CDK6: variants seen among roughly 807,000 people sequenced by gnomAD.
CDK6 encodes cyclin dependent kinase 6.
Under a neutral mutation model 37.1 loss-of-function variants are expected in CDK6, and 6 were observed. The ratio of observed to expected loss-of-function variants is 0.16; its 90% CI spans 0.09 to 0.32. The LOEUF (loss-of-function observed/expected upper bound fraction) is 0.32. CDK6 is among the 10% of genes least tolerant of loss of function. CDK6 has a pLI of 1.00. For synonymous variants in CDK6, 160 were observed against 161.3 expected (o/e 0.99, Z 0.06); for missense variants, 224 against 418.9 (o/e 0.53, Z 4.06).
intron 5 of CDK6, among the ~76,000 whole-genome samples, chr7:92,650,587 T>C (rs1218662049): frequency 6.6e-6 from 1 of 152,160 alleles, no homozygotes. Flanking sequence ...TGGTTCTCTG[T>C]TAGAGTTGTA....
intron 5 of CDK6, among the ~76,000 whole-genome samples, chr7:92,643,327 T>C (rs1207191287): frequency 6.6e-6 from 1 of 152,210 alleles, no homozygotes; most frequent in Admixed American, 6.5e-5. Flanking sequence ...CATGAAGAAC[T>C]TGGAACAGGT....
chr7:92,777,059 C>T (rs1016931429), intron 2 of CDK6, among the ~76,000 whole-genome samples: 1 of 151,914 alleles, frequency 6.6e-6, no homozygotes, highest in East Asian at 1.9e-4. Flanking sequence ...GTCTTTAATC[C>T]AGCTTGAATT....
chr7:92,778,950 ATAT>A (rs1474870751), intron 2 of CDK6, among the ~76,000 whole-genome samples: 2 of 108,760 alleles, frequency 1.8e-5, no homozygotes, highest in African/African-American at 4.8e-5. Context: ...TATATATAAG[ATAT>A]TATAGTAATT....
chr7:92,676,875 C>T lies in CDK6; in HGVS notation c.538-5340G>A, dbSNP rs185136624. Among the ~76,000 whole-genome samples the T allele has an allele frequency of 2.0e-3, 307 of 150,948 alleles. 2 individuals carry two copies. The highest frequency in any genetic ancestry group is 6.7e-3 in the African/African-American group (275 of 41,122). Reference sequence around the variant, plus strand: ...TGGGGAGCCTGAGGCAGGAGAATGGCGTGAACCCGGGAGGCGGAGCTTGCA... The same window carrying T: ...TGGGGAGCCTGAGGCAGGAGAATGGTGTGAACCCGGGAGGCGGAGCTTGCA... On this transcript the variant is annotated intron_variant, in intron 4 of 7. Coordinates refer to ENST00000424848, the MANE Select transcript of CDK6 (RefSeq NM_001145306.2).
At chr7:92,821,668 C>T (rs1721614346) in intron 2 of CDK6, among the ~76,000 whole-genome samples, 1 of 151,722 alleles carries the variant, frequency 6.6e-6, no homozygotes, top group African/African-American at 2.4e-5. Context: ...TTCATTCCTT[C>T]TTTCCCTTTC....
intron 2 of CDK6, among the ~76,000 whole-genome samples, chr7:92,791,061 A>G (rs1032685360): frequency 2.0e-5 from 3 of 152,132 alleles, no homozygotes; most frequent in Admixed American, 2.0e-4. Context: ...TAGTACAGGG[A>G]AAGTAAAGAA....
chr7:92,614,042 A>G lies in CDK6; in HGVS notation c.*1098T>C, dbSNP rs1011510124. 14 of 233,148 alleles carry G rather than the reference A, an allele frequency of 6.0e-5. No homozygotes were observed. Among genetic ancestry groups the G allele is most frequent in the Non-Finnish European group, 1.0e-4 (12 of 118,040 alleles). 14.4% of individuals were successfully genotyped at this position (233,148 alleles called of 1,614,324 possible). On this transcript the variant is annotated 3_prime_UTR_variant, in exon 8 of 8. Coordinates refer to ENST00000424848, the MANE Select transcript of CDK6 (RefSeq NM_001145306.2). The stretch of plus-strand genomic sequence containing the variant: ...GATAGACAAGATGGATACTTTGCCA[A>G]CAAGGCAGTGTGTGGCAGAAAGTAC...
chr7:92,797,436 TG>T (rs1800442872), intron 2 of CDK6, among the ~76,000 whole-genome samples: 1 of 152,216 alleles, frequency 6.6e-6, no homozygotes, highest in Non-Finnish European at 1.5e-5. Context: ...GGGATGAGTC[TG>T]TCAACCTTGG....
At chr7:92,616,102 A>C (rs770977600) in intron 7 of CDK6, among the ~76,000 whole-genome samples, 48 of 152,068 alleles carry the variant, frequency 3.2e-4, no homozygotes, top group Non-Finnish European at 4.4e-4. Flanking sequence ...TTGCCACAGG[A>C]GCTCACAAGT....
intron 2 of CDK6, among the ~76,000 whole-genome samples, chr7:92,808,816 A>G (rs2115931094): frequency 6.6e-6 from 1 of 152,312 alleles, no homozygotes; most frequent in African/African-American, 2.4e-5. Context: ...AAAGGAATAC[A>G]TATTACTGCA....
chr7:92,725,139 T>C, intron 4 of CDK6: 1 of 985,444 alleles, frequency 1.0e-6, no homozygotes. Context: ...TCATGCATCA[T>C]CCAAGTTCAC....
At chr7:92,620,144 A>G (rs963958073) in intron 6 of CDK6, among the ~76,000 whole-genome samples, 1 of 152,226 alleles carries the variant, frequency 6.6e-6, no homozygotes, top group African/African-American at 2.4e-5. Context: ...GAATGTATCT[A>G]CATCTAATTA....
At position 92,685,811 on chromosome 7, in the gene CDK6, A is replaced by G. The variant is rs373034556; in HGVS notation, c.538-14276T>C. 6.5e-4 allele frequency among the ~76,000 whole-genome samples: 99 copies of G among 152,332 alleles called. 1 individual carries two copies. Among genetic ancestry groups the G allele is most frequent in the African/African-American group, 2.3e-3 (97 of 41,572 alleles). ...AAGTTCCCTCTGTTTTAATCTTTAC[A>G]ATAGAGTAACTTGAAGTAACCTGAT... On this transcript the variant is annotated intron_variant, in intron 4 of 7. Coordinates refer to ENST00000424848, the MANE Select transcript of CDK6 (RefSeq NM_001145306.2).
At chr7:92,707,874 T>C (rs868570473) in intron 4 of CDK6, among the ~76,000 whole-genome samples, 1 of 152,264 alleles carries the variant, frequency 6.6e-6, no homozygotes, top group Middle Eastern at 3.4e-3. Flanking sequence ...CATTATCAAG[T>C]GTATGATATT....
chr7:92,761,386 TGTC>T (rs1307040601), intron 3 of CDK6, among the ~76,000 whole-genome samples: 1 of 152,178 alleles, frequency 6.6e-6, no homozygotes, highest in Non-Finnish European at 1.5e-5. Context: ...CTGAAAGTGT[TGTC>T]TTCAGCCTCC....
intron 2 of CDK6, among the ~76,000 whole-genome samples, chr7:92,802,493 T>G (rs968631503): frequency 1.3e-5 from 2 of 152,180 alleles, no homozygotes; most frequent in African/African-American, 4.8e-5. Context: ...CATTCAGTAT[T>G]AAGAGAATTC....
At chr7:92,676,938 G>A (rs1488388900) in intron 4 of CDK6, among the ~76,000 whole-genome samples, 16 of 145,150 alleles carry the variant, frequency 1.1e-4, no homozygotes, top group Non-Finnish European at 4.5e-5. Context: ...CAGCCTGGGC[G>A]ACAGAGAGAC....
chr7:92,674,533 T>A (rs1459139834), intron 4 of CDK6, among the ~76,000 whole-genome samples: 1 of 152,232 alleles, frequency 6.6e-6, no homozygotes, highest in Non-Finnish European at 1.5e-5. Flanking sequence ...GGGAAGGTAT[T>A]GTTTTTGCTA....
intron 4 of CDK6, among the ~76,000 whole-genome samples, chr7:92,720,738 G>T (rs527974620): frequency 6.6e-6 from 1 of 152,122 alleles, no homozygotes; most frequent in South Asian, 2.1e-4. Context: ...CTGAGTGGCT[G>T]GTCTCTTTTT....
Sources: gnomAD v4.1 joint callset for allele counts (sites outside exome capture counted in the v4.1 genomes callset) on GRCh38, gnomAD v4.1.1 for gene constraint, MANE v1.5 for transcripts, NCBI Gene and HGNC (gene_info 2026-07-23, HGNC 2026-07-21) for gene names.